Variants in TXNDC9 observed in about 807,000 individuals in gnomAD.
TXNDC9 encodes the protein thioredoxin domain-containing protein 9.
A neutral mutation model predicts 23.0 loss-of-function variants in TXNDC9; 7 were observed. The observed-to-expected ratio is 0.30, with a 90% CI of 0.17 to 0.57. The LOEUF is 0.57. Among genes scored for constraint, TXNDC9 ranks in the 20% least tolerant of loss-of-function variants. TXNDC9 has a pLI of 0.90. For synonymous variants in TXNDC9, 72 were observed against 90.6 expected (o/e 0.79, Z 1.17); for missense variants, 198 against 252.6 (o/e 0.78, Z 1.47).
intron 1 of TXNDC9, among the ~76,000 whole-genome samples, chr2:99,334,178 C>T (rs938491679): frequency 2.2e-4 from 33 of 152,144 alleles, no homozygotes; most frequent in African/African-American, 7.2e-4. Context: ...TGATGGAACC[C>T]TGTCTCTACT....
the TXNDC9 span, among the ~76,000 whole-genome samples, chr2:99,310,215 C>G: frequency 7.9e-5 from 12 of 152,350 alleles, no homozygotes; most frequent in East Asian, 2.3e-3. Context: ...TAAACACATC[C>G]ATGGCAGTGC....
intron 3 of TXNDC9, among the ~76,000 whole-genome samples, chr2:99,324,450 G>A (rs1328528812): frequency 6.6e-6 from 1 of 152,158 alleles, no homozygotes; most frequent in East Asian, 1.9e-4. Context: ...AAAATGGTAA[G>A]AGAGAACAAA....
chr2:99,306,472 G>GAGGACGCAC, the TXNDC9 span, among the ~76,000 whole-genome samples: 1 of 151,684 alleles, frequency 6.6e-6, no homozygotes. Flanking sequence ...GAATGGCGCT[G>GAGGACGCAC]TGTTTGGGGA....
chr2:99,323,545 G>T lies in TXNDC9; in HGVS notation c.309-1336C>A, dbSNP rs1051914742. On this transcript the variant is annotated intron_variant, in intron 3 of 4. Coordinates refer to ENST00000264255, the MANE Select transcript of TXNDC9 (RefSeq NM_005783.4). ...GAGGCCAAGAGTTCAAGACCAGCCT[G>T]GTCAATATGGTGAAACCCCATCTCT... Among the ~76,000 whole-genome samples, 3 of 151,860 alleles carry T rather than the reference G, an allele frequency of 2.0e-5. No individual in the cohort carries two copies. In the South Asian group the frequency reaches 6.2e-4, roughly 32 times the overall value.
intron 3 of TXNDC9, among the ~76,000 whole-genome samples, chr2:99,323,259 T>C (rs1333957441): frequency 6.6e-6 from 1 of 151,786 alleles, no homozygotes; most frequent in Non-Finnish European, 1.5e-5. Flanking sequence ...ATACAAAAAT[T>C]AGCTGGGTGT....
chr2:99,312,928 C>G, the TXNDC9 span, among the ~76,000 whole-genome samples: 8 of 151,780 alleles, frequency 5.3e-5, no homozygotes, highest in Non-Finnish European at 1.0e-4. Context: ...TTTGGGAGGC[C>G]GAGGCAGGAG....
rs558822184 is a variant in TXNDC9 at position 99,326,431 on chromosome 2, G to A, written c.308+1104C>T. ...AGAGCACAGTGCTTGTCTGTCCTGG[G>A]TAGGCAGGTGCCAGTCAGCAGATGA... On this transcript the variant is annotated intron_variant, in intron 3 of 4. Transcript: ENST00000264255. 1.2e-4 allele frequency among the ~76,000 whole-genome samples: 18 copies of A among 152,352 alleles called. No individual in the cohort carries two copies. The Middle Eastern group carries it at 0.01, about 86-fold the overall frequency.
chr2:99,325,870 G>A (rs1273088384), intron 3 of TXNDC9, among the ~76,000 whole-genome samples: 1 of 152,108 alleles, frequency 6.6e-6, no homozygotes, highest in Non-Finnish European at 1.5e-5. Context: ...AGTTAGCCGG[G>A]TGTAGTGGTG....
chr2:99,327,770 G>GTTTT, intron 2 of TXNDC9, 117 bp from the exon 3 acceptor site: 1 of 474,374 alleles, frequency 2.1e-6, no homozygotes, highest in Admixed American at 3.9e-5. Context: ...AAAAAAAAAA[G>GTTTT]TTTTTTTTTT....
intron 1 of TXNDC9, among the ~76,000 whole-genome samples, 179 bp from the exon 2 acceptor site, chr2:99,333,421 G>A (rs1474690896): frequency 6.6e-6 from 1 of 152,142 alleles, no homozygotes; most frequent in East Asian, 1.9e-4. Context: ...TTAATTCTCA[G>A]TAGGTTCTAG....
At chr2:99,311,748 T>C in the TXNDC9 span, among the ~76,000 whole-genome samples, 1 of 152,238 alleles carries the variant, frequency 6.6e-6, no homozygotes, top group Non-Finnish European at 1.5e-5. Flanking sequence ...ATTACAGGCA[T>C]GAGCCAGCAT....
downstream of TXNDC9, among the ~76,000 whole-genome samples, chr2:99,316,515 A>G (rs893003445): frequency 3.9e-5 from 6 of 151,932 alleles, no homozygotes; most frequent in African/African-American, 7.3e-5. Context: ...TCTGTTTTCA[A>G]GATTTTTTTC....
intron 4 of TXNDC9, among the ~76,000 whole-genome samples, chr2:99,320,349 A>C (rs2094198620): frequency 6.6e-6 from 1 of 152,170 alleles, no homozygotes; most frequent in Non-Finnish European, 1.5e-5. Context: ...ACATTTGGTT[A>C]ACACAGTGCT....
chr2:99,332,315 C>T (rs1475468175), intron 2 of TXNDC9, among the ~76,000 whole-genome samples: 2 of 152,066 alleles, frequency 1.3e-5, no homozygotes, highest in East Asian at 1.9e-4. Flanking sequence ...TGGTGGTGTG[C>T]GCCTGTAGTC....
At chr2:99,316,496 G>T (rs2094189318), downstream of TXNDC9, among the ~76,000 whole-genome samples, 1 of 151,018 alleles carries the variant, frequency 6.6e-6, no homozygotes, top group Non-Finnish European at 1.5e-5. Context: ...ACAATGAGTA[G>T]TTTTTTTTTC....
At chr2:99,314,895 ATTTTTTTT>A (rs56288449), downstream of TXNDC9, among the ~76,000 whole-genome samples, 1 of 106,890 alleles carries the variant, frequency 9.4e-6, no homozygotes, top group African/African-American at 3.7e-5. Flanking sequence ...TCCTTTACTC[ATTTTTTTT>A]TTTTTTTTTT....
chr2:99,322,086 G>A lies in TXNDC9; in HGVS notation c.432C>T (p.Pro144=). The change falls in exon 4 of 5, where the codon CCC becomes CCT. Residue 144 remains proline (P), a synonymous_variant. Transcript: ENST00000264255. ...TCCCATCTTTTAGCAGTGCTAGTGT[G>A]GGAATGACTTTGATATGCAGTCTCT... ...LCERLHIKVI[P]TLALLKDGKT... is the part of the protein sequence containing the mutation. The A allele has an allele frequency of 1.2e-6, 2 of 1,614,080 alleles. No individual in the cohort carries two copies. The highest frequency in any genetic ancestry group is 1.3e-5 in the African/African-American group (1 of 75,024).
the TXNDC9 span, chr2:99,306,748 G>C: frequency 4.5e-6 from 2 of 448,784 alleles, no homozygotes; most frequent in Non-Finnish European, 8.9e-6. Flanking sequence ...CGGTGGTTCA[G>C]AACAGGGGCC....
At chr2:99,315,256 G>A (rs1241968331), downstream of TXNDC9, among the ~76,000 whole-genome samples, 9 of 151,554 alleles carry the variant, frequency 5.9e-5, no homozygotes, top group African/African-American at 2.2e-4. Flanking sequence ...TAGTAGAGAC[G>A]GGGTTTCACC....
Sources: gnomAD v4.1 joint callset for allele counts (sites outside exome capture counted in the v4.1 genomes callset) on GRCh38, gnomAD v4.1.1 for gene constraint, MANE v1.5 for transcripts, NCBI Gene and HGNC (gene_info 2026-07-23, HGNC 2026-07-21) for gene names.